Variants in COQ7 observed in about 807,000 individuals in gnomAD.
COQ7 encodes the protein NADPH-dependent 3-demethoxyubiquinone 3-hydroxylase, mitochondrial.
Under a neutral mutation model 25.0 loss-of-function variants are expected in COQ7, and 21 were observed. That is an observed-to-expected ratio of 0.84 (90% CI 0.60 to 1.21). The LOEUF (loss-of-function observed/expected upper bound fraction) is 1.21. COQ7 is among the 50% of genes most tolerant of loss of function. COQ7 has a pLI of 0.00. For missense variants in COQ7, 311 were observed against 296.2 expected (o/e 1.05, Z -0.37); for synonymous variants, 125 against 112.4 (o/e 1.11, Z -0.71).
rs376135191 is a variant in COQ7 at position 19,072,057 on chromosome 16, C to G, written c.203C>G (p.Ala68Gly). Reference sequence around the variant, plus strand: ...GAATATGGAGCAAACCGCATCTATGCCGGGCAGATGGCTGTCCTGGGTCGG... The same window carrying G: ...GAATATGGAGCAAACCGCATCTATGGCGGGCAGATGGCTGTCCTGGGTCGG... ...AGEYGANRIYAGQMAVLGRTS... is the reference protein window; with the variant it reads ...AGEYGANRIYGGQMAVLGRTS... Residue 68 changes from alanine to glycine, a missense_variant, in exon 2 of 6, where the codon GCC (alanine) becomes GGC (glycine). Physicochemically the swap from Ala to Gly is moderately conservative, Grantham distance 60 (BLOSUM62 0). Coordinates refer to ENST00000321998, the MANE Select transcript of COQ7 (RefSeq NM_016138.5). The G allele has an allele frequency of 6.2e-7, 1 of 1,614,168 alleles. No individual in the cohort carries two copies. Among genetic ancestry groups the G allele is most frequent in the African/African-American group, 1.3e-5 (1 of 75,046 alleles).
At chr16:19,070,348 A>G (rs1962490953) in intron 1 of COQ7, among the ~76,000 whole-genome samples, 1 of 152,240 alleles carries the variant, frequency 6.6e-6, no homozygotes, top group Admixed American at 6.5e-5. Flanking sequence ...TTTTCCACAT[A>G]TTCGCTGGCT....
rs60523088 is a variant in COQ7, at chr16:19,077,590, C to CTTT, written c.576+228_576+230dup. On this transcript the variant is annotated intron_variant, in intron 5 of 5. Coordinates refer to ENST00000321998, the MANE Select transcript of COQ7 (RefSeq NM_016138.5). ...TATGCCTTCTCCTTTTCCCCAGAAG[C>CTTT]TTTTTTTTTTTTTTCCCAGACACAG... 1.2e-3 allele frequency among the ~76,000 whole-genome samples: 90 copies of CTTT among 74,402 alleles called. 10 individuals are homozygous for CTTT. Among genetic ancestry groups the CTTT allele is most frequent in the Middle Eastern group, 0.011 (1 of 90 alleles). 48.8% of individuals were successfully genotyped at this position (74,402 alleles called of 152,430 possible).
chr16:19,068,297 A>G, intron 1 of COQ7: 1 of 991,080 alleles, frequency 1.0e-6, no homozygotes, highest in Non-Finnish European at 1.2e-6. Flanking sequence ...AATTTAGAGT[A>G]GAGAGACATG....
chr16:19,073,290 C>T (rs1962655615), intron 2 of COQ7, among the ~76,000 whole-genome samples: 1 of 149,104 alleles, frequency 6.7e-6, no homozygotes, highest in Non-Finnish European at 1.5e-5. Flanking sequence ...GCCTGGGCAA[C>T]AGAGTGAGAC....
intron 1 of COQ7, 77 bp from the exon 2 acceptor site, chr16:19,071,850 AG>A: frequency 1.3e-6 from 2 of 1,546,114 alleles, no homozygotes; most frequent in Non-Finnish European, 8.9e-7. Flanking sequence ...TCCATCCCAA[AG>A]TGCCCTTTCT....
chr16:19,076,530 G>A (rs778524502), intron 4 of COQ7, among the ~76,000 whole-genome samples: 7 of 150,318 alleles, frequency 4.7e-5, no homozygotes, highest in Non-Finnish European at 8.9e-5. Context: ...CTTCTGCCTC[G>A]GCCTCCCAAA....
intron 4 of COQ7, 25 bp downstream of exon 4, chr16:19,075,885 G>T (rs1962813484): frequency 1.9e-6 from 3 of 1,613,930 alleles, no homozygotes; most frequent in Non-Finnish European, 2.5e-6. Flanking sequence ...TCTAGAACGG[G>T]GCTGCTCAAG....
chr16:19,078,964 T>C lies in COQ7; in HGVS notation c.*806T>C, dbSNP rs1023635987. The C allele has an allele frequency of 6.6e-6, 1 of 152,140 alleles. No individual in the cohort carries two copies. The highest frequency in any genetic ancestry group is 2.4e-5 in the African/African-American group (1 of 41,412). The allele number at this position is 152,140 out of a possible 1,614,324, so 9.4% of individuals were successfully genotyped here. Reference sequence around the variant, plus strand: ...GATAATGGGTGGGAGAGTGCTACAGTCTGTATGTCTGTGTCTCCCTAGAAT... The same window carrying C: ...GATAATGGGTGGGAGAGTGCTACAGCCTGTATGTCTGTGTCTCCCTAGAAT... On this transcript the variant is annotated 3_prime_UTR_variant, in exon 6 of 6. Coordinates refer to ENST00000321998, the MANE Select transcript of COQ7 (RefSeq NM_016138.5).
chr16:19,071,432 G>C (rs1256592234), intron 1 of COQ7, among the ~76,000 whole-genome samples: 1 of 152,244 alleles, frequency 6.6e-6, no homozygotes, highest in Non-Finnish European at 1.5e-5. Flanking sequence ...CACCGCGCCC[G>C]GACAGGTGTG....
At chr16:19,082,258 T>C (rs757720424), downstream of COQ7, among the ~76,000 whole-genome samples, 2 of 152,114 alleles carry the variant, frequency 1.3e-5, no homozygotes, top group Non-Finnish European at 2.9e-5. Context: ...AAGATGAAAA[T>C]AGTTCTGGAA....
In COQ7 at chr16:19,068,143, C is replaced by CG. The variant is rs1425392507; in HGVS notation, c.73+406_73+407insG. The CG allele has an allele frequency of 2.9e-6, 3 of 1,052,050 alleles. No homozygotes were observed. The African/African-American group carries it at 5.1e-5, about 18-fold the overall frequency. The allele number at this position is 1,052,050 out of a possible 1,614,324, so 65.2% of individuals were successfully genotyped here. A position where few individuals can be genotyped will look rare whatever the true frequency, so the allele number is the denominator to read the frequency against. ...GCCCGACGACCAGCAGCCTCCGCTA[C>CG]TTCTGGGCGCTCGCTAGAAATACAG... On this transcript the variant is annotated intron_variant, in intron 1 of 5. Coordinates refer to ENST00000321998, the MANE Select transcript of COQ7 (RefSeq NM_016138.5).
chr16:19,067,740 A>G lies in COQ7; in HGVS notation c.73+3A>G. ...GGGGGCCCGGCGGTCCCTCTCAGGT[A>G]AAAGGAGGCGCGCAGTCACAGTCCT... On this transcript the variant is annotated splice_donor_region_variant and intron_variant, in intron 1 of 5. Coordinates refer to ENST00000321998, the MANE Select transcript of COQ7 (RefSeq NM_016138.5). The G allele has an allele frequency of 6.2e-7, 1 of 1,600,354 alleles. No homozygotes were observed. Among genetic ancestry groups the G allele is most frequent in the Non-Finnish European group, 8.5e-7 (1 of 1,177,482 alleles).
At position 19,078,818 on chromosome 16, in the gene COQ7, A is replaced by T. The variant is rs1267235580; in HGVS notation, c.*660A>T. On this transcript the variant is annotated 3_prime_UTR_variant, in exon 6 of 6. Coordinates refer to ENST00000321998, the MANE Select transcript of COQ7 (RefSeq NM_016138.5). ...AACAGGAATCTTTAGGAGAAAAAAC[A>T]ATTTGGTTTACTGATAACAAAAGAT... 6.6e-6 allele frequency: 1 copy of T among 152,126 alleles called. No individual in the cohort carries two copies. The highest frequency in any genetic ancestry group is 2.4e-5 in the African/African-American group (1 of 41,426). The allele number at this position is 152,126 out of a possible 1,614,324, so 9.4% of individuals were successfully genotyped here. A position where few individuals can be genotyped will look rare whatever the true frequency, so the allele number is the denominator to read the frequency against.
intron 1 of COQ7, among the ~76,000 whole-genome samples, chr16:19,069,261 C>T (rs1409630856): frequency 6.6e-6 from 1 of 152,196 alleles, no homozygotes; most frequent in East Asian, 1.9e-4. Context: ...TAATGCTGCT[C>T]TGTTCAGCCA....
chr16:19,074,740 C>T (rs961445968), intron 3 of COQ7, among the ~76,000 whole-genome samples: 15 of 152,192 alleles, frequency 9.9e-5, no homozygotes, highest in African/African-American at 3.1e-4. Context: ...GATGGGGTCT[C>T]GTTATGTTAC....
intron 1 of COQ7, chr16:19,068,333 C>T (rs532512699): frequency 1.3e-5 from 13 of 990,098 alleles, no homozygotes; most frequent in African/African-American, 1.7e-5. Context: ...TCCTGCTTTC[C>T]TTGTTTCATC....
chr16:19,068,810 A>G, intron 1 of COQ7: 1 of 444,142 alleles, frequency 2.3e-6, no homozygotes, highest in South Asian at 1.6e-5. Context: ...CCATTTAAAA[A>G]TTAAATTAAT....
intron 4 of COQ7, among the ~76,000 whole-genome samples, chr16:19,076,632 T>C (rs1172587046): frequency 7.3e-6 from 1 of 136,718 alleles, no homozygotes; most frequent in East Asian, 2.1e-4. Flanking sequence ...TCTCACTCTG[T>C]CCCCAAGGCT....
Position 19,079,009 on chromosome 16 carries a change from C to CGATAAA in COQ7, c.*851_*852insGATAAA, listed in dbSNP as rs1435235076. The CGATAAA allele has an allele frequency of 6.6e-6, 1 of 152,112 alleles. No homozygotes were observed. The highest frequency in any genetic ancestry group is 1.5e-5 in the Non-Finnish European group (1 of 68,026). The allele number at this position is 152,112 out of a possible 1,614,324, so 9.4% of individuals were successfully genotyped here. ...TAGAATTCATACGATGAAATCTTCA[C>CGATAAA]TCTCAAGTTGATAGAAGGTGGGGCC... On this transcript the variant is annotated 3_prime_UTR_variant, in exon 6 of 6. Coordinates refer to ENST00000321998, the MANE Select transcript of COQ7 (RefSeq NM_016138.5).
Sources: gnomAD v4.1 joint callset for allele counts (sites outside exome capture counted in the v4.1 genomes callset) on GRCh38, gnomAD v4.1.1 for gene constraint, MANE v1.5 for transcripts, NCBI Gene and HGNC (gene_info 2026-07-23, HGNC 2026-07-21) for gene names.